Variants in ATP10B observed in about 807,000 individuals in gnomAD.
ATP10B encodes phospholipid-transporting ATPase VB.
In ATP10B, 122 loss-of-function variants were observed where a neutral mutation model predicts 141.2. The ratio of observed to expected loss-of-function variants is 0.86; its 90% CI spans 0.75 to 1.00. ATP10B has a LOEUF of 1.00. ATP10B is among the 50% of genes least tolerant of loss of function. The pLI, the probability that ATP10B is intolerant of heterozygous loss-of-function variation, is 0.00. For missense variants in ATP10B, 1,876 were observed against 1,825.3 expected, an observed-to-expected ratio of 1.03 and a Z score of -0.51; for synonymous variants, 685 against 692.0, an observed-to-expected ratio of 0.99 and a Z score of 0.16.
At chr5:160,927,055 A>T in the ATP10B span, among the ~76,000 whole-genome samples, 2 of 152,166 alleles carry the variant, frequency 1.3e-5, no homozygotes, top group African/African-American at 4.8e-5. Context: ...TTATTATTCC[A>T]TTTTACAGAG....
At chr5:160,587,850 T>C (rs1284784070) in intron 24 of ATP10B, among the ~76,000 whole-genome samples, 1 of 152,184 alleles carries the variant, frequency 6.6e-6, no homozygotes, top group Non-Finnish European at 1.5e-5. Context: ...CTTTTATTTT[T>C]TCTTTTGAGA....
At chr5:160,781,280 G>A (rs903117169) in intron 2 of ATP10B, among the ~76,000 whole-genome samples, 1 of 152,172 alleles carries the variant, frequency 6.6e-6, no homozygotes, top group African/African-American at 2.4e-5. Flanking sequence ...AGTAGTAGGT[G>A]CTGTGGATGC....
At chr5:160,887,218 T>C in the ATP10B span, among the ~76,000 whole-genome samples, 1 of 152,224 alleles carries the variant, frequency 6.6e-6, no homozygotes, top group Non-Finnish European at 1.5e-5. Context: ...AAGTCCTTGA[T>C]ATAAAATGGT....
intron 19 of ATP10B, among the ~76,000 whole-genome samples, chr5:160,605,372 C>T (rs1466499496): frequency 6.6e-6 from 1 of 152,204 alleles, no homozygotes; most frequent in Non-Finnish European, 1.5e-5. Flanking sequence ...CTTCCCCATG[C>T]AAAACAAATC....
chr5:160,910,904 C>T, the ATP10B span, among the ~76,000 whole-genome samples: 3 of 152,168 alleles, frequency 2.0e-5, no homozygotes, highest in African/African-American at 7.2e-5. Context: ...GAGAAGATCT[C>T]TCATGAAGGT....
chr5:160,874,405 A>G, the ATP10B span, among the ~76,000 whole-genome samples: 1 of 152,228 alleles, frequency 6.6e-6, no homozygotes, highest in South Asian at 2.1e-4. Flanking sequence ...GTCAAAGACC[A>G]AAAGTAGATA....
the ATP10B span, among the ~76,000 whole-genome samples, chr5:160,922,344 G>C: frequency 6.7e-6 from 1 of 149,794 alleles, no homozygotes; most frequent in Non-Finnish European, 1.5e-5. Context: ...ATCTTATGAA[G>C]ATTAAATGTA....
intron 2 of ATP10B, among the ~76,000 whole-genome samples, chr5:160,769,972 T>A (rs192786036): frequency 6.6e-6 from 1 of 152,318 alleles, no homozygotes; most frequent in Admixed American, 6.5e-5. Context: ...GAAGAGCTAT[T>A]GATCAACTAA....
intron 2 of ATP10B, among the ~76,000 whole-genome samples, chr5:160,766,674 T>C (rs1769458945): frequency 6.6e-6 from 1 of 151,994 alleles, no homozygotes; most frequent in South Asian, 2.1e-4. Flanking sequence ...CACCAAAATA[T>C]CAGAAATCAC....
intron 7 of ATP10B, among the ~76,000 whole-genome samples, chr5:160,668,835 A>C (rs1035301534): frequency 1.9e-4 from 29 of 152,244 alleles, no homozygotes; most frequent in African/African-American, 6.8e-4. Flanking sequence ...CATGATATGC[A>C]TGAGAGAACA....
intron 6 of ATP10B, among the ~76,000 whole-genome samples, chr5:160,680,124 T>C (rs1172289213): frequency 6.6e-6 from 1 of 151,970 alleles, no homozygotes; most frequent in African/African-American, 2.4e-5. Context: ...TAAACAAGTC[T>C]AGGGTGGATG....
intron 24 of ATP10B, among the ~76,000 whole-genome samples, chr5:160,572,814 T>C (rs1013364301): frequency 6.6e-6 from 1 of 152,230 alleles, no homozygotes; most frequent in African/African-American, 2.4e-5. Context: ...ACAATAAACC[T>C]CATACACCCA....
intron 7 of ATP10B, among the ~76,000 whole-genome samples, chr5:160,652,679 A>G (rs972617672): frequency 2.3e-5 from 3 of 132,384 alleles, no homozygotes; most frequent in East Asian, 2.1e-4. Flanking sequence ...ATACATATAT[A>G]AATACATATG....
rs765926624 is a variant in ATP10B, at chr5:160,622,419, G to T, written c.1787C>A (p.Ser596Tyr). The change falls in exon 14 of 26, where the codon TCC (serine) becomes TAC (tyrosine). Residue 596 changes from serine to tyrosine, a missense_variant. Physicochemically the swap from Ser to Tyr is moderately radical, Grantham distance 144 (BLOSUM62 -2). Coordinates refer to ENST00000327245, the MANE Select transcript of ATP10B (RefSeq NM_025153.3). The stretch of plus-strand genomic sequence containing the variant: ...CCTCTGCCTGGGCTCGGTGGTTGTG[G>T]ACACCATGACAGAGTTGCAGATGGT... The part of the protein sequence containing the change: ...ALTICNSVMV[S>Y]TTTEPRQRVT... 33 of 1,613,684 alleles carry T rather than the reference G, an allele frequency of 2.0e-5. No homozygotes were observed. The East Asian group carries it at 7.4e-4, about 36-fold the overall frequency.
chr5:160,812,303 C>A (rs934914900), intron 1 of ATP10B, among the ~76,000 whole-genome samples: 2 of 152,066 alleles, frequency 1.3e-5, no homozygotes, highest in Non-Finnish European at 2.9e-5. Context: ...TGGGTAGAAA[C>A]AAGCCCAGAT....
intron 24 of ATP10B, among the ~76,000 whole-genome samples, chr5:160,570,841 T>C (rs1482543383): frequency 1.3e-5 from 2 of 152,208 alleles, no homozygotes; most frequent in African/African-American, 2.4e-5. Context: ...AATTTGTCTT[T>C]TGATGAATAT....
chr5:160,863,130 T>C, the ATP10B span, among the ~76,000 whole-genome samples: 3 of 151,978 alleles, frequency 2.0e-5, no homozygotes, highest in Admixed American at 1.3e-4. Flanking sequence ...TTAATCTTTT[T>C]CAGCTACTTC....
chr5:160,726,096 G>A (rs1766332950), intron 2 of ATP10B, among the ~76,000 whole-genome samples: 1 of 152,156 alleles, frequency 6.6e-6, no homozygotes, highest in African/African-American at 2.4e-5. Context: ...AAGCCACTGA[G>A]AGACGCGCGA....
At chr5:160,817,726 T>C (rs1773759275) in intron 1 of ATP10B, among the ~76,000 whole-genome samples, 1 of 152,164 alleles carries the variant, frequency 6.6e-6, no homozygotes, top group South Asian at 2.1e-4. Flanking sequence ...GCTGGAGGCA[T>C]CACGCTACCT....
Sources: gnomAD v4.1 joint callset for allele counts (sites outside exome capture counted in the v4.1 genomes callset) on GRCh38, gnomAD v4.1.1 for gene constraint, MANE v1.5 for transcripts, NCBI Gene and HGNC (gene_info 2026-07-23, HGNC 2026-07-21) for gene names.